TBC1D32: variants seen among roughly 807,000 people sequenced by gnomAD.
The protein encoded by TBC1D32 is TBC1 domain family member 32.
A neutral mutation model predicts 170.3 loss-of-function variants in TBC1D32; 151 were observed. The observed-to-expected ratio is 0.89, with a 90% CI of 0.78 to 1.01. TBC1D32 has a LOEUF of 1.01. Among genes scored for constraint, TBC1D32 ranks in the 50% least tolerant of loss-of-function variants. TBC1D32 has a pLI of 0.00. For missense variants in TBC1D32, 1,464 were observed against 1,457.1 expected (o/e 1.00, Z -0.08); for synonymous variants, 498 against 488.0 (o/e 1.02, Z -0.27).
intron 24 of TBC1D32, among the ~76,000 whole-genome samples, chr6:121,147,576 ATT>A (rs1334713450): frequency 2.0e-5 from 3 of 151,846 alleles, no homozygotes; most frequent in Non-Finnish European, 4.4e-5. Flanking sequence ...GATGGTGAGC[ATT>A]TTTAATATTT....
chr6:121,332,728 G>C (rs1178000202), intron 1 of TBC1D32, among the ~76,000 whole-genome samples: 1 of 152,088 alleles, frequency 6.6e-6, no homozygotes, highest in African/African-American at 2.4e-5. Context: ...GCCTATATTT[G>C]AAAAAGTTCT....
chr6:121,324,462 C>A (rs1018965046), intron 1 of TBC1D32, among the ~76,000 whole-genome samples: 31 of 152,058 alleles, frequency 2.0e-4, no homozygotes, highest in African/African-American at 7.5e-4. Context: ...GAAGAGGAAG[C>A]CTAAGCTATT....
Position 121,080,462 on chromosome 6 carries a change from C to T in TBC1D32, c.*309G>A, listed in dbSNP as rs1775533599. 4.1e-6 allele frequency: 1 copy of T among 246,852 alleles called. No individual in the cohort carries two copies. Among genetic ancestry groups the T allele is most frequent in the Non-Finnish European group, 8.2e-6 (1 of 122,002 alleles). 15.3% of individuals were successfully genotyped at this position (246,852 alleles called of 1,614,324 possible). On this transcript the variant is annotated 3_prime_UTR_variant, in exon 32 of 32. Coordinates refer to ENST00000398212, the MANE Select transcript of TBC1D32 (RefSeq NM_152730.6). ...ATCTCTTGACCTCGTGATCCGCCCA[C>T]CTCAGACTCCCAAAGTGCTGGGATT...
chr6:121,281,514 C>T, intron 14 of TBC1D32, 30 bp downstream of exon 14: 2 of 1,580,670 alleles, frequency 1.3e-6, no homozygotes, highest in Non-Finnish European at 1.7e-6. Context: ...AGGTAAGAGA[C>T]TCTTTTTCTC....
At chr6:121,187,858 T>C (rs767676636) in intron 22 of TBC1D32, among the ~76,000 whole-genome samples, 3 of 152,090 alleles carry the variant, frequency 2.0e-5, no homozygotes, top group Admixed American at 1.3e-4. Flanking sequence ...GTTGAGAGTT[T>C]ATGTTTTCAC....
chr6:121,229,900 G>T (rs907210988), intron 20 of TBC1D32, among the ~76,000 whole-genome samples: 1 of 151,996 alleles, frequency 6.6e-6, no homozygotes, highest in African/African-American at 2.4e-5. Context: ...ATGATAGTGA[G>T]TTCTCCTGAG....
chr6:121,262,896 C>T (rs1322705760), intron 15 of TBC1D32, among the ~76,000 whole-genome samples: 2 of 152,034 alleles, frequency 1.3e-5, no homozygotes, highest in African/African-American at 4.8e-5. Context: ...TCATCACCAC[C>T]AGGCCTGCCT....
At chr6:121,104,054 A>G (rs893284071) in intron 30 of TBC1D32, among the ~76,000 whole-genome samples, 11 of 151,894 alleles carry the variant, frequency 7.2e-5, no homozygotes, top group Non-Finnish European at 1.6e-4. Context: ...ATTTCTTATT[A>G]ACTTCAGAAA....
intron 15 of TBC1D32, among the ~76,000 whole-genome samples, chr6:121,270,652 A>T (rs1801259293): frequency 6.6e-6 from 1 of 152,180 alleles, no homozygotes; most frequent in Non-Finnish European, 1.5e-5. Flanking sequence ...CCAGGACCAG[A>T]CGGATTCACA....
At chr6:121,139,370 C>T (rs566966984) in intron 24 of TBC1D32, among the ~76,000 whole-genome samples, 1 of 152,220 alleles carries the variant, frequency 6.6e-6, no homozygotes, top group South Asian at 2.1e-4. Flanking sequence ...AGTTTATTTC[C>T]ACATACTATG....
chr6:121,227,035 T>G (rs1795156057), intron 20 of TBC1D32, among the ~76,000 whole-genome samples: 1 of 151,440 alleles, frequency 6.6e-6, no homozygotes, highest in Non-Finnish European at 1.5e-5. Context: ...ACAGTAACAA[T>G]AGCTAATGAG....
chr6:121,190,951 T>C (rs1789926622), intron 22 of TBC1D32, among the ~76,000 whole-genome samples: 1 of 149,642 alleles, frequency 6.7e-6, no homozygotes, highest in Admixed American at 6.6e-5. Context: ...AAGAAAAACA[T>C]TTCTTTTCTA....
At chr6:121,263,064 A>G (rs1459695030) in intron 15 of TBC1D32, among the ~76,000 whole-genome samples, 1 of 152,176 alleles carries the variant, frequency 6.6e-6, no homozygotes, top group Admixed American at 6.5e-5. Flanking sequence ...GACAGGATCA[A>G]ATTCACACAT....
At chr6:121,322,161 A>T (rs1233250772) in intron 1 of TBC1D32, among the ~76,000 whole-genome samples, 1 of 152,206 alleles carries the variant, frequency 6.6e-6, no homozygotes, top group Admixed American at 6.5e-5. Flanking sequence ...GAGGAAAATC[A>T]TCTAGAATAC....
chr6:121,169,021 T>C lies in TBC1D32; in HGVS notation c.2571-7965A>G, dbSNP rs1440408512. On this transcript the variant is annotated intron_variant, in intron 22 of 31. Transcript: ENST00000398212. The stretch of plus-strand genomic sequence containing the variant: ...AAGCAATTTATAGATTCAATGCTAT[T>C]CGTATTAAACTATATTGACATTCTT... Among the ~76,000 whole-genome samples, 4 of 151,892 alleles carry C rather than the reference T, an allele frequency of 2.6e-5. No individual in the cohort carries two copies. In the East Asian group the frequency reaches 7.8e-4, roughly 30 times the overall value.
intron 15 of TBC1D32, among the ~76,000 whole-genome samples, chr6:121,257,737 C>T (rs943119566): frequency 2.6e-5 from 4 of 151,694 alleles, no homozygotes; most frequent in African/African-American, 9.7e-5. Flanking sequence ...TTTTTATATA[C>T]TTTATGTATG....
chr6:121,269,309 T>C lies in TBC1D32; in HGVS notation c.1733+9812A>G, dbSNP rs573654857. Among the ~76,000 whole-genome samples, 322 of 152,080 alleles carry C rather than the reference T, an allele frequency of 2.1e-3. 1 individual carries two copies. The highest frequency in any genetic ancestry group is 7.4e-3 in the African/African-American group (306 of 41,482). On this transcript the variant is annotated intron_variant, in intron 15 of 31. Transcript: ENST00000398212. Reference sequence around the variant, plus strand: ...GGCTAAATGCTCCAATTAAAAGACATAGACTGGCAAATTGGATAAAGAGTC... The same window carrying C: ...GGCTAAATGCTCCAATTAAAAGACACAGACTGGCAAATTGGATAAAGAGTC...
intron 5 of TBC1D32, 122 bp from the exon 6 acceptor site, chr6:121,304,955 T>C (rs1807099463): frequency 4.4e-6 from 3 of 679,072 alleles, no homozygotes; most frequent in African/African-American, 3.7e-5. Context: ...ATTCAGAAAC[T>C]AGAGTCAGAA....
rs572588716 is a variant in TBC1D32 at position 121,285,766 on chromosome 6, G to A, written c.1373-1856C>T. 5.3e-5 allele frequency among the ~76,000 whole-genome samples: 8 copies of A among 152,270 alleles called. No homozygotes were observed. The South Asian group carries it at 1.7e-3, about 32-fold the overall frequency. On this transcript the variant is annotated intron_variant, in intron 12 of 31. Coordinates refer to ENST00000398212, the MANE Select transcript of TBC1D32 (RefSeq NM_152730.6). The stretch of plus-strand genomic sequence containing the variant: ...TAGGGGCAGACTGACACCTCACACG[G>A]CCAGGTACTCCTCTGAGACAAAACT...
Sources: allele counts gnomAD v4.1 joint callset (sites outside exome capture counted in the v4.1 genomes callset), GRCh38; gene constraint gnomAD v4.1.1; transcripts MANE v1.5; gene names NCBI Gene and HGNC (gene_info 2026-07-23, HGNC 2026-07-21).